ABCA2: variants seen among roughly 807,000 people sequenced by gnomAD.
ABCA2 encodes the protein ATP-binding cassette sub-family A member 2.
In ABCA2, 84 loss-of-function variants were observed where a neutral mutation model predicts 262.8. That is an observed-to-expected ratio of 0.32 (90% CI 0.27 to 0.38). The LOEUF (loss-of-function observed/expected upper bound fraction) is 0.38. Among genes scored for constraint, ABCA2 ranks in the 10% least tolerant of loss-of-function variants. The pLI is 1.00. For missense variants in ABCA2, 2,662 were observed against 3,405.9 expected, an observed-to-expected ratio of 0.78 and a Z score of 5.44; for synonymous variants, 1,696 against 1,502.9, an observed-to-expected ratio of 1.13 and a Z score of -2.97.
upstream of ABCA2, chr9:137,028,311 C>G (rs1363122973): frequency 4.1e-6 from 4 of 967,936 alleles, no homozygotes; most frequent in African/African-American, 1.8e-5. The surrounding 1 kb of genome is among the most constrained non-coding windows in gnomAD (Gnocchi z 6.9). Context: ...GACAGCGACT[C>G]TGCCCGCGCC....
chr9:137,010,322 C>T lies in ABCA2; in HGVS notation c.6224G>A (p.Cys2075Tyr). The part of the protein sequence containing the change: ...IGRILAVDRL[C>Y]LGVRPGECFG... ...GCACTCGCCAGGACGCACACCCAGG[C>T]ACAGGCGGTCAACGGCCAGGATACG... Residue 2075 changes from cysteine to tyrosine, a missense_variant, in exon 41 of 49, where the codon TGC becomes TAC. Physicochemically the swap from Cys to Tyr is radical, Grantham distance 194. Around this residue, in one of 12 missense-constraint regions of ABCA2, gnomAD observed 602 missense variants for 897.4 expected, o/e 0.67. Transcript: ENST00000341511. The T allele has an allele frequency of 1.3e-6, 2 of 1,587,818 alleles. No homozygotes were observed. Among genetic ancestry groups the T allele is most frequent in the Non-Finnish European group, 1.7e-6 (2 of 1,167,952 alleles).
chr9:137,014,125 C>T (rs764798300), intron 27 of ABCA2, 43 bp downstream of exon 27: 1 of 1,592,958 alleles, frequency 6.3e-7, no homozygotes, highest in Non-Finnish European at 8.5e-7. Context: ...CGCAACCCTG[C>T]TCCCCCTCCC....
Position 137,011,777 on chromosome 9 carries a change from G to A in ABCA2, c.5536-28C>T. 1 of 1,361,060 alleles carries A rather than the reference G, an allele frequency of 7.3e-7. No homozygotes were observed. Among genetic ancestry groups the A allele is most frequent in the Non-Finnish European group, 1.0e-6 (1 of 975,534 alleles). The allele number at this position is 1,361,060 out of a possible 1,614,324, so 84.3% of individuals were successfully genotyped here. A position where few individuals can be genotyped will look rare whatever the true frequency, so the allele number is the denominator to read the frequency against. On this transcript the variant is annotated intron_variant, in intron 35 of 48. Coordinates refer to ENST00000341511, the MANE Select transcript of ABCA2 (RefSeq NM_001606.5). This position sits in a 1 kb window ranked among gnomAD's most constrained non-coding sequence, Gnocchi z 8.8. ...GCAGGGGTGGGGGCGGCTGGTGAGAGACCCGGGGCAGGGCGGGGATGGGGG... is the reference window on the plus strand; with the variant it reads ...GCAGGGGTGGGGGCGGCTGGTGAGAAACCCGGGGCAGGGCGGGGATGGGGG...
Position 137,021,323 on chromosome 9 carries a change from G to A in ABCA2, c.897+69C>T. ...GGCCCAGGAGCCCTGAGCTCTCCAA[G>A]CGGTCCCAGCCCCTCCTTCAACTCA... On this transcript the variant is annotated intron_variant, in intron 8 of 48. Transcript: ENST00000341511. The surrounding 1 kb of genome is among the most constrained non-coding windows in gnomAD (Gnocchi z 6.0). The A allele has an allele frequency of 6.4e-7, 1 of 1,558,076 alleles. No homozygotes were observed. Among genetic ancestry groups the A allele is most frequent in the Non-Finnish European group, 8.7e-7 (1 of 1,152,440 alleles).
In ABCA2 at chr9:137,019,112, C is replaced by T. The variant is rs1224363849; in HGVS notation, c.1555-42G>A. 3.1e-6 allele frequency: 5 copies of T among 1,601,460 alleles called. No homozygotes were observed. The highest frequency in any genetic ancestry group is 2.2e-5 in the East Asian group (1 of 44,586). ...GGCTCAGAGGGGGACCTGCGCCTGC[C>T]GAGCCGGGCAGAGAGGGGCTCCCCA... On this transcript the variant is annotated intron_variant, in intron 11 of 48. Coordinates refer to ENST00000341511, the MANE Select transcript of ABCA2 (RefSeq NM_001606.5). This position sits in a 1 kb window ranked among gnomAD's most constrained non-coding sequence, Gnocchi z 4.4.
Position 137,008,551 on chromosome 9 carries a change from C to T in ABCA2, c.7140G>A (p.Leu2380=). 1 of 1,606,326 alleles carries T rather than the reference C, an allele frequency of 6.2e-7. No individual in the cohort carries two copies. The highest frequency in any genetic ancestry group is 8.5e-7 in the Non-Finnish European group (1 of 1,177,146). Residue 2380 remains leucine, a synonymous_variant, in exon 48 of 49, where the codon CTG becomes CTA. Coordinates refer to ENST00000341511, the MANE Select transcript of ABCA2 (RefSeq NM_001606.5). ...TGAGCAAGCAGCCGAGAGGGGACTGCAGTGCGGATGGCGGCTCCGTCTCCT... is the reference window on the plus strand; with the variant it reads ...TGAGCAAGCAGCCGAGAGGGGACTGTAGTGCGGATGGCGGCTCCGTCTCCT... The part of the protein sequence containing the change: ...EQQETEPPSA[L]QSPLGCLLSL...
chr9:137,028,903 G>T (rs1008291680), upstream of ABCA2: 1 of 1,299,574 alleles, frequency 7.7e-7, no homozygotes, highest in African/African-American at 1.6e-5. This position sits in a 1 kb window ranked among gnomAD's most constrained non-coding sequence, Gnocchi z 6.9. Flanking sequence ...TGCACAGGGA[G>T]TTCGGGATCA....
intron 9 of ABCA2, 23 bp from the exon 10 acceptor site, chr9:137,020,518 G>A (rs748672708): frequency 1.7e-5 from 27 of 1,566,300 alleles, no homozygotes; most frequent in Middle Eastern, 1.9e-4. Flanking sequence ...ACAGGGGGCC[G>A]GGCCAGGCCG....
intron 45 of ABCA2, 29 bp from the exon 46 acceptor site, chr9:137,009,082 C>G: frequency 1.3e-6 from 2 of 1,591,544 alleles, no homozygotes; most frequent in South Asian, 1.1e-5. Flanking sequence ...GGCCCGGAGC[C>G]CTGCGCCGCC....
In ABCA2 at chr9:137,010,055, G is replaced by A. The variant is rs750377548; in HGVS notation, c.6423C>T (p.Asp2141=). The stretch of plus-strand genomic sequence containing the variant: ...GCAGGTGCTCCCGGGCCGTGAGCTC[G>A]TCGAACAGCGCGTCACACTGCGGGC... ...GYCPQCDALF[D]ELTAREHLQL... Residue 2141 remains aspartate, a synonymous_variant, in exon 42 of 49, where the codon GAC becomes GAT. Transcript: ENST00000341511. The A allele has an allele frequency of 1.2e-5, 19 of 1,601,234 alleles. No individual in the cohort carries two copies. The highest frequency in any genetic ancestry group is 7.8e-5 in the South Asian group (7 of 89,932).
rs1831239215 is a variant in ABCA2, at chr9:137,015,844, G to T, written c.3345C>A (p.Asn1115Lys). 4 of 1,610,710 alleles carry T rather than the reference G, an allele frequency of 2.5e-6. No homozygotes were observed. In the South Asian group the frequency reaches 4.4e-5, roughly 18 times the overall value. Reference protein sequence around the residue: ...DKMIEDLELSNKRHSLVQTLS... With the variant: ...DKMIEDLELSKKRHSLVQTLS... ...ATGTCTGCACCAGTGAGTGCCGTTT[G>T]TTGGAGAGCTCCAGGTCCTCGATCA... Residue 1115 changes from asparagine (N) to lysine (K), a missense_variant, in exon 23 of 49, where the codon AAC becomes AAA. Asn to Lys is a moderately conservative substitution (Grantham distance 94). Around this residue, in one of 12 missense-constraint regions of ABCA2, gnomAD observed 180 missense variants for 307.3 expected, o/e 0.59. Coordinates refer to ENST00000341511, the MANE Select transcript of ABCA2 (RefSeq NM_001606.5).
intron 1 of ABCA2, 110 bp from the exon 2 acceptor site, chr9:137,024,346 G>C: frequency 4.4e-6 from 4 of 914,496 alleles, no homozygotes; most frequent in Non-Finnish European, 6.5e-6. Context: ...GCTCCCTGGG[G>C]CCAGGGAAGG....
intron 17 of ABCA2, 22 bp from the exon 18 acceptor site, chr9:137,017,368 G>A (rs562667821): frequency 2.4e-5 from 39 of 1,611,524 alleles, no homozygotes; most frequent in African/African-American, 1.3e-4. Flanking sequence ...GGGGCCACGC[G>A]CACCGTCATC....
chr9:137,022,617 G>T (rs1292415007), intron 5 of ABCA2, 85 bp downstream of exon 5: 10 of 1,558,552 alleles, frequency 6.4e-6, no homozygotes, highest in Admixed American at 5.7e-5. Context: ...AGGTGGAGGG[G>T]CCCAGAGTGG....
chr9:137,023,360 G>A (rs539512530), intron 3 of ABCA2: 18 of 697,244 alleles, frequency 2.6e-5, no homozygotes, highest in Middle Eastern at 4.7e-4. Context: ...CTCTCCCCCC[G>A]AAAACGTTTC....
chr9:137,024,186 C>T lies in ABCA2; in HGVS notation c.117G>A (p.Leu39=). 3.1e-6 allele frequency: 5 copies of T among 1,612,214 alleles called. No individual in the cohort carries two copies. Among genetic ancestry groups the T allele is most frequent in the Non-Finnish European group, 4.2e-6 (5 of 1,179,578 alleles). Residue 39 remains leucine, a synonymous_variant, in exon 2 of 49, where the codon CTG becomes CTA. Coordinates refer to ENST00000341511, the MANE Select transcript of ABCA2 (RefSeq NM_001606.5). ...IFIPLVLFFI[L]LGLRQKKPTI... Reference sequence around the variant, plus strand: ...TGGGCTTCTTCTGTCGCAGCCCCAGCAGGATAAAGAACAGCACCAGGGGGA... The same window carrying T: ...TGGGCTTCTTCTGTCGCAGCCCCAGTAGGATAAAGAACAGCACCAGGGGGA...
At chr9:137,014,527 A>C (rs1338317568) in intron 26 of ABCA2, 123 bp from the exon 27 acceptor site, 19 of 1,443,484 alleles carry the variant, frequency 1.3e-5, no homozygotes, top group Non-Finnish European at 1.7e-5. Context: ...ACCTCTGGCC[A>C]CCAGGACCAC....
chr9:137,014,902 C>A lies in ABCA2; in HGVS notation c.3882+11G>T, dbSNP rs369111975. ...ACCTGCAACTGCCCCCCGACCCGTG[C>A]GCCCTCACACCTGGAAGAGGCGCTC... On this transcript the variant is annotated intron_variant, in intron 25 of 48. Coordinates refer to ENST00000341511, the MANE Select transcript of ABCA2 (RefSeq NM_001606.5). 3.5e-4 allele frequency: 556 copies of A among 1,575,746 alleles called. 2 individuals are homozygous for A. The highest frequency in any genetic ancestry group is 4.3e-4 in the Non-Finnish European group (498 of 1,158,208).
chr9:137,011,755 G>A lies in ABCA2; in HGVS notation c.5536-6C>T. On this transcript the variant is annotated splice_polypyrimidine_tract_variant and splice_region_variant and intron_variant, in intron 35 of 48. Transcript: ENST00000341511. The surrounding 1 kb of genome is among the most constrained non-coding windows in gnomAD (Gnocchi z 8.8). Reference sequence around the variant, plus strand: ...GCGGGGACCAGGTAGTTGAGCTGCAGGGGTGGGGGCGGCTGGTGAGAGACC... The same window carrying A: ...GCGGGGACCAGGTAGTTGAGCTGCAAGGGTGGGGGCGGCTGGTGAGAGACC... 6.4e-7 allele frequency: 1 copy of A among 1,550,876 alleles called. No homozygotes were observed. The highest frequency in any genetic ancestry group is 8.7e-7 in the Non-Finnish European group (1 of 1,147,506).
Sources: allele counts gnomAD v4.1 joint callset, GRCh38; gene constraint gnomAD v4.1.1; regional missense constraint gnomAD v4.1.1; non-coding constraint Gnocchi (gnomAD v3.1); transcripts MANE v1.5; gene names NCBI Gene and HGNC (gene_info 2026-07-23, HGNC 2026-07-21).